AK5: variants seen among roughly 807,000 people sequenced by gnomAD.
AK5 encodes the protein adenylate kinase isoenzyme 5.
A neutral mutation model predicts 69.5 loss-of-function variants in AK5; 27 were observed. That is an observed-to-expected ratio of 0.39 (90% CI 0.29 to 0.54). The LOEUF (loss-of-function observed/expected upper bound fraction) is 0.54. Among genes scored for constraint, AK5 ranks in the 20% least tolerant of loss-of-function variants. AK5 has a pLI of 0.71. For synonymous variants in AK5, 260 were observed against 244.4 expected (o/e 1.06, Z -0.60); for missense variants, 531 against 700.4 (o/e 0.76, Z 2.73).
intron 6 of AK5, among the ~76,000 whole-genome samples, chr1:77,368,245 A>ATATATATATATATATGTTACATATAT: frequency 1.5e-5 from 1 of 67,910 alleles, no homozygotes; most frequent in South Asian, 5.5e-4. Context: ...ATATATATAT[A>ATATATATATATATATGTTACATATAT]TATATATAAT....
At chr1:77,547,915 C>T (rs1659620709) in intron 13 of AK5, among the ~76,000 whole-genome samples, 1 of 152,142 alleles carries the variant, frequency 6.6e-6, no homozygotes, top group South Asian at 2.1e-4. Context: ...TAGTTCTAGA[C>T]TACCCAAGGA....
At chr1:77,334,180 G>A (rs895536503) in intron 5 of AK5, among the ~76,000 whole-genome samples, 1 of 152,096 alleles carries the variant, frequency 6.6e-6, no homozygotes, top group Non-Finnish European at 1.5e-5. Context: ...TGGAAATGCT[G>A]TATTTAGTCT....
At chr1:77,525,109 A>G (rs1047745871) in intron 12 of AK5, among the ~76,000 whole-genome samples, 1 of 152,176 alleles carries the variant, frequency 6.6e-6, no homozygotes, top group African/African-American at 2.4e-5. Context: ...GAGTTTCACC[A>G]TGTTGCCCAG....
rs191461408 is a variant in AK5 at position 77,474,454 on chromosome 1, A to G, written c.1060-8863A>G. Among the ~76,000 whole-genome samples the G allele has an allele frequency of 2.2e-4, 33 of 152,310 alleles. No individual in the cohort carries two copies. In the East Asian group the frequency reaches 5.6e-3, roughly 26 times the overall value. ...CCTTGGGGATTGAACACAGACATTCATGTTGAGGAATAATGAAAGCAGGAG... is the reference window on the plus strand; with the variant it reads ...CCTTGGGGATTGAACACAGACATTCGTGTTGAGGAATAATGAAAGCAGGAG... On this transcript the variant is annotated intron_variant, in intron 8 of 13. Transcript: ENST00000354567.
intron 8 of AK5, among the ~76,000 whole-genome samples, chr1:77,470,371 G>T (rs1654386116): frequency 6.6e-6 from 1 of 152,248 alleles, no homozygotes; most frequent in African/African-American, 2.4e-5. Flanking sequence ...CAGGCATGGT[G>T]GTGTGTGCCT....
intron 8 of AK5, among the ~76,000 whole-genome samples, chr1:77,452,001 C>T (rs773819595): frequency 4.6e-5 from 7 of 152,184 alleles, no homozygotes; most frequent in Non-Finnish European, 8.8e-5. Flanking sequence ...ATGTACTTTT[C>T]TCAGGTGCAG....
At chr1:77,335,923 G>A (rs1252088759) in intron 5 of AK5, among the ~76,000 whole-genome samples, 2 of 152,054 alleles carry the variant, frequency 1.3e-5, no homozygotes, top group Non-Finnish European at 1.5e-5. Flanking sequence ...GGTTCATAGC[G>A]GTCTTTTCTC....
rs2100707527 is a variant in AK5 at position 77,475,914 on chromosome 1, G to A, written c.1060-7403G>A. ...TCATAATCTTCTAGCAGAGAGTTGA[G>A]TTGAACACGTATTTGAGATGATGAA... On this transcript the variant is annotated intron_variant, in intron 8 of 13. Transcript: ENST00000354567. Among the ~76,000 whole-genome samples the A allele has an allele frequency of 1.3e-5, 2 of 152,186 alleles. 1 individual carries two copies. Among genetic ancestry groups the A allele is most frequent in the Admixed American group, 1.3e-4 (2 of 15,272 alleles).
intron 6 of AK5, among the ~76,000 whole-genome samples, chr1:77,359,373 A>G (rs559782239): frequency 2.0e-4 from 31 of 152,188 alleles, no homozygotes; most frequent in Admixed American, 2.6e-4. Context: ...TTCATAATTA[A>G]CATGTTACTA....
At chr1:77,379,179 G>T (rs2100497716) in intron 6 of AK5, among the ~76,000 whole-genome samples, 1 of 152,326 alleles carries the variant, frequency 6.6e-6, no homozygotes, top group South Asian at 2.1e-4. Flanking sequence ...GGGGTCCCTT[G>T]CTTTGGGTAA....
At chr1:77,400,899 T>C (rs1001824638) in intron 6 of AK5, among the ~76,000 whole-genome samples, 1 of 150,054 alleles carries the variant, frequency 6.7e-6, no homozygotes. Flanking sequence ...TTTAGATCTG[T>C]CTTCTTTCAT....
chr1:77,293,095 AAAT>A (rs1328295658), intron 2 of AK5, among the ~76,000 whole-genome samples: 2 of 152,212 alleles, frequency 1.3e-5, no homozygotes, highest in Non-Finnish European at 2.9e-5. Flanking sequence ...AGTAGATTAA[AAAT>A]AATAAGTAAA....
Position 77,558,962 on chromosome 1 carries a change from T to C in AK5, c.*292T>C, listed in dbSNP as rs1660283175. On this transcript the variant is annotated 3_prime_UTR_variant, in exon 14 of 14. Transcript: ENST00000354567. ...GCCACACTCAGAGCTAGTCAGTACA[T>C]GAACAGTGGTGCGGTGCCAGTCTGT... The C allele has an allele frequency of 1.1e-5, 3 of 269,792 alleles. No homozygotes were observed. The highest frequency in any genetic ancestry group is 1.0e-4 in the Admixed American group (2 of 19,920). The allele number at this position is 269,792 out of a possible 1,614,324, so 16.7% of individuals were successfully genotyped here. A position where few individuals can be genotyped will look rare whatever the true frequency, so the allele number is the denominator to read the frequency against.
At chr1:77,380,495 T>C (rs572519334) in intron 6 of AK5, among the ~76,000 whole-genome samples, 1 of 152,304 alleles carries the variant, frequency 6.6e-6, no homozygotes, top group African/African-American at 2.4e-5. Context: ...TCCTCAAATA[T>C]TTATTGACCA....
intron 6 of AK5, among the ~76,000 whole-genome samples, chr1:77,390,253 C>T (rs1361294733): frequency 6.6e-6 from 1 of 152,180 alleles, no homozygotes; most frequent in Non-Finnish European, 1.5e-5. Context: ...CACATAAGCA[C>T]AGTTCTAATG....
chr1:77,301,791 A>G (rs1486460127), intron 5 of AK5, among the ~76,000 whole-genome samples: 2 of 152,318 alleles, frequency 1.3e-5, no homozygotes, highest in East Asian at 3.9e-4. Context: ...CAAAAAAGGA[A>G]AGTTTGAGAA....
chr1:77,331,720 C>T (rs920386691), intron 5 of AK5, among the ~76,000 whole-genome samples: 1 of 152,058 alleles, frequency 6.6e-6, no homozygotes, highest in Non-Finnish European at 1.5e-5. Flanking sequence ...ATGGTAGCCT[C>T]ATAAAATGAA....
chr1:77,385,086 A>G (rs1357725566), intron 6 of AK5, among the ~76,000 whole-genome samples: 2 of 152,162 alleles, frequency 1.3e-5, no homozygotes, highest in Non-Finnish European at 2.9e-5. Flanking sequence ...TTCTTCATGT[A>G]TCAGTGACAT....
At chr1:77,514,422 T>C (rs1657522781) in intron 10 of AK5, among the ~76,000 whole-genome samples, 1 of 152,206 alleles carries the variant, frequency 6.6e-6, no homozygotes, top group Admixed American at 6.5e-5. Flanking sequence ...CAAGGCCCCA[T>C]TGTTTTTTTA....
Sources: allele counts gnomAD v4.1 joint callset (sites outside exome capture counted in the v4.1 genomes callset), GRCh38; gene constraint gnomAD v4.1.1; transcripts MANE v1.5; gene names NCBI Gene and HGNC (gene_info 2026-07-23, HGNC 2026-07-21).